BRSK1: variants seen among roughly 807,000 people sequenced by gnomAD.
BRSK1 encodes the protein serine/threonine-protein kinase BRSK1.
A neutral mutation model predicts 86.2 loss-of-function variants in BRSK1; 17 were observed. The observed-to-expected ratio is 0.20, with a 90% confidence interval of 0.14 to 0.30. The LOEUF is 0.30. Among genes scored for constraint, BRSK1 ranks in the 10% least tolerant of loss-of-function variants. The pLI is 1.00. For synonymous variants in BRSK1, 464 were observed against 440.1 expected, an observed-to-expected ratio of 1.05 and a Z score of -0.68; for missense variants, 719 against 1,071.9, an observed-to-expected ratio of 0.67 and a Z score of 4.60.
Position 55,308,650 on chromosome 19 carries a change from C to A in BRSK1, c.2101C>A (p.Arg701=). The change falls in exon 18 of 19, where the codon CGG becomes AGG. Residue 701 remains arginine, a synonymous_variant. Transcript: ENST00000309383. ...GCCTGTGCCTCTAGGTCCCAGCCGT[C>A]GGTTCAAGCGAGTGGTGGAGACCAT... is the stretch of plus-strand genomic sequence containing the variant. ...TFTLISGPSR[R]FKRVVETIQA... is the part of the protein sequence containing the mutation. 6.3e-7 allele frequency: 1 copy of A among 1,595,898 alleles called. No homozygotes were observed. Among genetic ancestry groups the A allele is most frequent in the Non-Finnish European group, 8.6e-7 (1 of 1,169,580 alleles).
Position 55,302,937 on chromosome 19 carries a change from C to T in BRSK1, c.1028+70C>T. The T allele has an allele frequency of 1.3e-6, 2 of 1,556,032 alleles. No individual in the cohort carries two copies. The highest frequency in any genetic ancestry group is 1.7e-6 in the Non-Finnish European group (2 of 1,144,348). On this transcript the variant is annotated intron_variant, in intron 10 of 18. Coordinates refer to ENST00000309383, the MANE Select transcript of BRSK1 (RefSeq NM_032430.2). This position sits in a 1 kb window ranked among gnomAD's most constrained non-coding sequence, Gnocchi z 6.3. ...GCTGCAGCAGCTCCCTGCGCACATG[C>T]AGAGTGCTGGGCGAGGAACCCTGGC...
In BRSK1 at chr19:55,302,119, G is replaced by T; in HGVS notation, c.826-18G>T. 6.2e-7 allele frequency: 1 copy of T among 1,614,104 alleles called. No homozygotes were observed. The highest frequency in any genetic ancestry group is 8.5e-7 in the Non-Finnish European group (1 of 1,179,988). ...TACGACCTCACTTCTGCTTCTCTAC[G>T]ACTCACCACCCTCACAGCTGGAGCA... On this transcript the variant is annotated intron_variant, in intron 8 of 18. Coordinates refer to ENST00000309383, the MANE Select transcript of BRSK1 (RefSeq NM_032430.2). This position sits in a 1 kb window ranked among gnomAD's most constrained non-coding sequence, Gnocchi z 6.3.
chr19:55,287,822 G>A lies in BRSK1; in HGVS notation c.317+523G>A, dbSNP rs1473186090. On this transcript the variant is annotated intron_variant, in intron 3 of 18. Coordinates refer to ENST00000309383, the MANE Select transcript of BRSK1 (RefSeq NM_032430.2). The surrounding 1 kb of genome is among the most constrained non-coding windows in gnomAD (Gnocchi z 5.3). Reference sequence around the variant, plus strand: ...AGTCAATCACCCGCCAGGAAGGATGGGGGTGGGGGTCCAGCTGTCCAGACT... The same window carrying A: ...AGTCAATCACCCGCCAGGAAGGATGAGGGTGGGGGTCCAGCTGTCCAGACT... Among the ~76,000 whole-genome samples the A allele has an allele frequency of 6.6e-6, 1 of 152,226 alleles. No individual in the cohort carries two copies. The highest frequency in any genetic ancestry group is 6.5e-5 in the Admixed American group (1 of 15,276).
In BRSK1 at chr19:55,303,496, A is replaced by T; in HGVS notation, c.1126+88A>T. On this transcript the variant is annotated intron_variant, in intron 11 of 18. Coordinates refer to ENST00000309383, the MANE Select transcript of BRSK1 (RefSeq NM_032430.2). The surrounding 1 kb of genome is among the most constrained non-coding windows in gnomAD (Gnocchi z 5.1). ...GGGACCCCAGATTCCCAAGGAAAGAAGGGGCTGCAGGCTCTGAGCTTCCAG... is the reference window on the plus strand; with the variant it reads ...GGGACCCCAGATTCCCAAGGAAAGATGGGGCTGCAGGCTCTGAGCTTCCAG... 8.0e-6 allele frequency: 12 copies of T among 1,495,884 alleles called. No individual in the cohort carries two copies. Among genetic ancestry groups the T allele is most frequent in the Non-Finnish European group, 1.1e-5 (12 of 1,077,680 alleles). 92.7% of individuals were successfully genotyped at this position (1,495,884 alleles called of 1,614,324 possible).
intron 4 of BRSK1, 40 bp from the exon 5 acceptor site, chr19:55,293,977 G>C: frequency 6.4e-7 from 1 of 1,560,632 alleles, no homozygotes; most frequent in Non-Finnish European, 8.7e-7. Flanking sequence ...GGGCCTCCTG[G>C]GAGGAAGGAA....
At chr19:55,299,931 C>T (rs914504588) in intron 7 of BRSK1, among the ~76,000 whole-genome samples, 5 of 152,152 alleles carry the variant, frequency 3.3e-5, no homozygotes, top group Non-Finnish European at 5.9e-5. Flanking sequence ...CTCAAAGGCT[C>T]ACACCATCAC....
At chr19:55,308,805 G>GCC in intron 18 of BRSK1, 77 bp downstream of exon 18, 1 of 247,566 alleles carries the variant, frequency 4.0e-6, no homozygotes, top group African/African-American at 3.3e-5. Context: ...GGTGGCGGGG[G>GCC]GCGTGGGTGG....
chr19:55,311,935 G>C lies in BRSK1; in HGVS notation c.2204G>C (p.Arg735Pro). ...LADEKNGAQTRPAGAPPRSLQ... is the reference protein window; with the variant it reads ...LADEKNGAQTPPAGAPPRSLQ... ...GACGAGAAGAACGGGGCCCAGACCC[G>C]GCCTGCTGGTGCCCCACCCCGAAGC... Residue 735 changes from arginine (R) to proline (P), a missense_variant, in exon 19 of 19, where the codon CGG becomes CCG. Physicochemically the swap from Arg to Pro is moderately radical, Grantham distance 103. Coordinates refer to ENST00000309383, the MANE Select transcript of BRSK1 (RefSeq NM_032430.2). 1 of 1,611,440 alleles carries C rather than the reference G, an allele frequency of 6.2e-7. No homozygotes were observed.
In BRSK1 at chr19:55,284,038, CGGGGGGAGGCG is replaced by C; in HGVS notation, c.-403_-393del. ...GTGCCGGAGAGAAAGGACGAGGTGG[CGGGGGGAGGCG>C]GAGAGGAGGAGGAGGCGGAGGAGAG... On this transcript the variant is annotated 5_prime_UTR_variant, in exon 1 of 19. It removes the in-frame stop codon of an upstream open reading frame in the 5' UTR. Coordinates refer to ENST00000309383, the MANE Select transcript of BRSK1 (RefSeq NM_032430.2). The C allele has an allele frequency of 3.7e-6, 4 of 1,082,828 alleles. No individual in the cohort carries two copies. Among genetic ancestry groups the C allele is most frequent in the Non-Finnish European group, 4.5e-6 (4 of 896,924 alleles). 67.1% of individuals were successfully genotyped at this position (1,082,828 alleles called of 1,614,324 possible).
rs558043890 is a variant in BRSK1 at position 55,296,660 on chromosome 19, C to G, written c.678+2263C>G. 9.2e-5 allele frequency among the ~76,000 whole-genome samples: 14 copies of G among 152,224 alleles called. No individual in the cohort carries two copies. The South Asian group carries it at 1.2e-3, about 14-fold the overall frequency. Reference sequence around the variant, plus strand: ...AGGAAATCGAGACCGTCCTGGCTAACGTGGTGAAACCCCGTCTCTACTAAA... The same window carrying G: ...AGGAAATCGAGACCGTCCTGGCTAAGGTGGTGAAACCCCGTCTCTACTAAA... On this transcript the variant is annotated intron_variant, in intron 7 of 18. Transcript: ENST00000309383.
rs2088603735 is a variant in BRSK1, at chr19:55,303,595, G to T, written c.1127-72G>T. The T allele has an allele frequency of 6.5e-7, 1 of 1,542,468 alleles. No individual in the cohort carries two copies. Among genetic ancestry groups the T allele is most frequent in the Non-Finnish European group, 8.8e-7 (1 of 1,138,444 alleles). ...ACTCTAGGCCTGTTTCCCCATGTGT[G>T]CAGTTTCTGAGGCAGTTGTACACAG... is the stretch of plus-strand genomic sequence containing the variant. On this transcript the variant is annotated intron_variant, in intron 11 of 18. Transcript: ENST00000309383. This position sits in a 1 kb window ranked among gnomAD's most constrained non-coding sequence, Gnocchi z 5.1.
At position 55,303,118 on chromosome 19, in the gene BRSK1, G is replaced by A; in HGVS notation, c.1029-193G>A. 1 of 633,350 alleles carries A rather than the reference G, an allele frequency of 1.6e-6. No homozygotes were observed. The highest frequency in any genetic ancestry group is 2.7e-6 in the Non-Finnish European group (1 of 366,754). The allele number at this position is 633,350 out of a possible 1,614,324, so 39.2% of individuals were successfully genotyped here. A position where few individuals can be genotyped will look rare whatever the true frequency, so the allele number is the denominator to read the frequency against. ...AATAGTTCTTGCCTGGATGTTAGGTGTTACAGTGTTATTATAATTGAGTGA... is the reference window on the plus strand; with the variant it reads ...AATAGTTCTTGCCTGGATGTTAGGTATTACAGTGTTATTATAATTGAGTGA... On this transcript the variant is annotated intron_variant, in intron 10 of 18. Coordinates refer to ENST00000309383, the MANE Select transcript of BRSK1 (RefSeq NM_032430.2). The surrounding 1 kb of genome is among the most constrained non-coding windows in gnomAD (Gnocchi z 5.1).
intron 1 of BRSK1, 56 bp from the exon 2 acceptor site, chr19:55,286,951 G>T (rs982275154): frequency 6.4e-7 from 1 of 1,553,702 alleles, no homozygotes; most frequent in African/African-American, 1.4e-5. Context: ...GGACATAGGC[G>T]CTGGGGACGA....
intron 3 of BRSK1, 102 bp from the exon 4 acceptor site, chr19:55,289,378 A>G: frequency 7.3e-6 from 10 of 1,372,154 alleles, no homozygotes; most frequent in Non-Finnish European, 9.0e-6. Flanking sequence ...GGATCATGGG[A>G]ATTGGAGTTC....
In BRSK1 at chr19:55,302,762, G is replaced by A; in HGVS notation, c.923G>A (p.Ser308Asn). ...CCTGGCCGCCGGGTAGCCATGCGGAGCCTGCCATCCAACGGAGAGCTGGAC... is the reference window on the plus strand; with the variant it reads ...CCTGGCCGCCGGGTAGCCATGCGGAACCTGCCATCCAACGGAGAGCTGGAC... ...PAPGRRVAMR[S>N]LPSNGELDPD... The change falls in exon 10 of 19, where the codon AGC becomes AAC. Residue 308 changes from serine to asparagine, a missense_variant. Physicochemically the swap from Ser to Asn is conservative, Grantham distance 46. This residue lies in a region of BRSK1 where 168 missense variants were observed against 246.3 expected (regional missense o/e 0.68). Coordinates refer to ENST00000309383, the MANE Select transcript of BRSK1 (RefSeq NM_032430.2). The surrounding 1 kb of genome is among the most constrained non-coding windows in gnomAD (Gnocchi z 6.3). 7 of 1,613,742 alleles carry A rather than the reference G, an allele frequency of 4.3e-6. No individual in the cohort carries two copies. Among genetic ancestry groups the A allele is most frequent in the Non-Finnish European group, 5.9e-6 (7 of 1,179,912 alleles).
rs2088278942 is a variant in BRSK1, at chr19:55,284,498, A to ACCCCCCCCCCC, written c.61_62insCCCCCCCCCCC (p.His21ProfsTer49). ...GGCTCTCCCGCCTACCACCTCCCCCACCCCCACCCCCACCCACCCCAGCAC... is the reference window on the plus strand; with the variant it reads ...GGCTCTCCCGCCTACCACCTCCCCCACCCCCCCCCCCCCCCCACCCCCACCCACCCCAGCAC... On this transcript the variant is annotated frameshift_variant, in exon 1 of 19. Coordinates refer to ENST00000309383, the MANE Select transcript of BRSK1 (RefSeq NM_032430.2). LOFTEE classifies it high-confidence loss of function. The ACCCCCCCCCCC allele has an allele frequency of 3.9e-4, 158 of 403,606 alleles. No individual in the cohort carries two copies. The highest frequency in any genetic ancestry group is 1.9e-3 in the Middle Eastern group (2 of 1,044). The allele number at this position is 403,606 out of a possible 1,614,324, so 25.0% of individuals were successfully genotyped here.
At chr19:55,305,221 A>G (rs2088631417) in intron 14 of BRSK1, 100 bp from the exon 15 acceptor site, 1 of 1,493,600 alleles carries the variant, frequency 6.7e-7, no homozygotes, top group Admixed American at 1.9e-5. Context: ...GCTGCAACCC[A>G]AGGCTCTGGA....
Position 55,284,492 on chromosome 19 carries a change from TCCCCCACCCCCA to T in BRSK1, c.60_71del (p.His21_Pro24del). 3 of 776,218 alleles carry T rather than the reference TCCCCCACCCCCA, an allele frequency of 3.9e-6. No homozygotes were observed. Among genetic ancestry groups the T allele is most frequent in the South Asian group, 5.7e-5 (2 of 35,092 alleles). The allele number at this position is 776,218 out of a possible 1,614,324, so 48.1% of individuals were successfully genotyped here. ...GGTGGGGGCTCTCCCGCCTACCACC[TCCCCCACCCCCA>T]CCCCCACCCACCCCAGCACGCCCAA... On this transcript the variant is annotated inframe_deletion, in exon 1 of 19. Transcript: ENST00000309383.
At chr19:55,293,969 G>A in intron 4 of BRSK1, 48 bp from the exon 5 acceptor site, 1 of 1,534,400 alleles carries the variant, frequency 6.5e-7, no homozygotes, top group Non-Finnish European at 8.9e-7. Context: ...TGGGGCCTGG[G>A]CCTCCTGGGA....
Sources: gnomAD v4.1 joint callset for allele counts (sites outside exome capture counted in the v4.1 genomes callset) on GRCh38, gnomAD v4.1.1 for gene constraint, gnomAD v4.1.1 regional missense constraint, Gnocchi (gnomAD v3.1) non-coding constraint, MANE v1.5 for transcripts, NCBI Gene and HGNC (gene_info 2026-07-23, HGNC 2026-07-21) for gene names.